Variants in RAD54L2 observed in about 807,000 individuals in gnomAD.
The protein encoded by RAD54L2 is RAD54 like 2, also known as helicase ARIP4.
In RAD54L2, 27 loss-of-function variants were observed where a neutral mutation model predicts 138.4. The observed-to-expected ratio is 0.20, with a 90% CI of 0.14 to 0.27. The LOEUF (loss-of-function observed/expected upper bound fraction) is 0.27. Among genes scored for constraint, RAD54L2 ranks in the 10% least tolerant of loss-of-function variants. RAD54L2 has a pLI of 1.00. For missense variants in RAD54L2, 1,396 were observed against 1,890.2 expected, an observed-to-expected ratio of 0.74 and a Z score of 4.85; for synonymous variants, 644 against 723.2, an observed-to-expected ratio of 0.89 and a Z score of 1.76.
At chr3:51,578,845 G>A (rs1404198458) in intron 2 of RAD54L2, among the ~76,000 whole-genome samples, 2 of 152,274 alleles carry the variant, frequency 1.3e-5, no homozygotes, top group African/African-American at 4.8e-5. Context: ...GGGTCCGTGT[G>A]ACAGCCTCTT....
In RAD54L2 at chr3:51,663,711, G is replaced by A; in HGVS notation, c.*291G>A. 2.7e-6 allele frequency: 1 copy of A among 373,150 alleles called. No homozygotes were observed. Among genetic ancestry groups the A allele is most frequent in the South Asian group, 4.6e-5 (1 of 21,622 alleles). The allele number at this position is 373,150 out of a possible 1,614,324, so 23.1% of individuals were successfully genotyped here. On this transcript the variant is annotated 3_prime_UTR_variant, in exon 23 of 23. Coordinates refer to ENST00000684192, the MANE Select transcript of RAD54L2 (RefSeq NM_015106.4). ...TTTTCCTTCCTGCCTTGCTTATGCT[G>A]TCTGCTTGCTTGCTCGCCCATCTGA...
At chr3:51,573,404 C>G (rs1361740256) in intron 2 of RAD54L2, among the ~76,000 whole-genome samples, 1 of 152,014 alleles carries the variant, frequency 6.6e-6, no homozygotes, top group Non-Finnish European at 1.5e-5. Context: ...TTGTTATTAA[C>G]TAACTACAGA....
intron 18 of RAD54L2, 44 bp from the exon 19 acceptor site, chr3:51,646,241 T>C (rs1387301132): frequency 1.3e-5 from 20 of 1,517,444 alleles, no homozygotes; most frequent in Non-Finnish European, 1.7e-5. Flanking sequence ...TCATTATCTA[T>C]CAGCCATGTT....
chr3:51,645,539 T>C lies in RAD54L2; in HGVS notation c.2657-52T>C, dbSNP rs1222477639. The C allele has an allele frequency of 4.0e-6, 6 of 1,505,338 alleles. No homozygotes were observed. Among genetic ancestry groups the C allele is most frequent in the Non-Finnish European group, 5.4e-6 (6 of 1,113,386 alleles). The allele number at this position is 1,505,338 out of a possible 1,614,324, so 93.2% of individuals were successfully genotyped here. The stretch of plus-strand genomic sequence containing the variant: ...GATGACTTTTCATTATTAGTGACCT[T>C]TACAGTTTTTAATGCCATGTGCTGA... On this transcript the variant is annotated intron_variant, in intron 17 of 22. Coordinates refer to ENST00000684192, the MANE Select transcript of RAD54L2 (RefSeq NM_015106.4). This position sits in a 1 kb window ranked among gnomAD's most constrained non-coding sequence, Gnocchi z 6.1.
At chr3:51,584,810 T>A (rs928558015) in intron 2 of RAD54L2, among the ~76,000 whole-genome samples, 1 of 151,792 alleles carries the variant, frequency 6.6e-6, no homozygotes, top group Non-Finnish European at 1.5e-5. Flanking sequence ...AAAAATTTTT[T>A]ATTTATTTAT....
intron 2 of RAD54L2, among the ~76,000 whole-genome samples, chr3:51,545,214 C>T (rs868928464): frequency 2.9e-4 from 43 of 150,200 alleles, no homozygotes; most frequent in Admixed American, 1.3e-4. Context: ...GTTTTTGAGA[C>T]GGAGTCTTGC....
chr3:51,566,466 GTTTTT>G (rs71084149), intron 2 of RAD54L2, among the ~76,000 whole-genome samples: 1 of 31,516 alleles, frequency 3.2e-5, no homozygotes, highest in African/African-American at 1.6e-4. Context: ...CCTTTTCTGC[GTTTTT>G]TTTTTTTTTT....
intron 22 of RAD54L2, 54 bp downstream of exon 22, chr3:51,660,172 G>C: frequency 3.5e-6 from 5 of 1,444,068 alleles, no homozygotes; most frequent in Non-Finnish European, 3.8e-6. Flanking sequence ...TGTTTGCTTT[G>C]TTTTGGTTAG....
Position 51,667,818 on chromosome 3 carries a change from A to C in RAD54L2, c.*4398A>C, listed in dbSNP as rs1157122409. The C allele has an allele frequency of 6.6e-6, 1 of 152,222 alleles. No homozygotes were observed. Among genetic ancestry groups the C allele is most frequent in the East Asian group, 1.9e-4 (1 of 5,194 alleles). 9.4% of individuals were successfully genotyped at this position (152,222 alleles called of 1,614,324 possible). On this transcript the variant is annotated 3_prime_UTR_variant, in exon 23 of 23. Transcript: ENST00000684192. ...TCTTATAACAATGAACTTCTTGAGC[A>C]GGCAGTGTCCAACTTCTTTGCTCTT...
intron 3 of RAD54L2, among the ~76,000 whole-genome samples, chr3:51,622,612 G>A (rs1350775415): frequency 2.0e-5 from 3 of 152,160 alleles, no homozygotes; most frequent in East Asian, 1.9e-4. Flanking sequence ...ATCCACATGC[G>A]AGACCCACCC....
chr3:51,614,578 A>G (rs955677506), intron 3 of RAD54L2, among the ~76,000 whole-genome samples: 1 of 151,996 alleles, frequency 6.6e-6, no homozygotes, highest in African/African-American at 2.4e-5. Context: ...CAGTGGTGCA[A>G]TGATAACTCA....
chr3:51,662,634 G>A lies in RAD54L2; in HGVS notation c.3618G>A (p.Pro1206=), dbSNP rs1701810412. 2.5e-6 allele frequency: 4 copies of A among 1,612,300 alleles called. No homozygotes were observed. The highest frequency in any genetic ancestry group is 2.7e-5 in the African/African-American group (2 of 74,880). ...CCAATGCCGCCCTGCCTGGCCCCCCGGCCCAACTTATGGACAGCAGTGCTG... is the reference window on the plus strand; with the variant it reads ...CCAATGCCGCCCTGCCTGGCCCCCCAGCCCAACTTATGGACAGCAGTGCTG... ...PSTNAALPGP[P]AQLMDSSAVP... The change falls in exon 23 of 23, where the codon CCG becomes CCA. Residue 1206 remains proline, a synonymous_variant. Transcript: ENST00000684192. The surrounding 1 kb of genome is among the most constrained non-coding windows in gnomAD (Gnocchi z 4.6).
At chr3:51,544,667 G>A (rs1301711341) in intron 2 of RAD54L2, among the ~76,000 whole-genome samples, 1 of 152,118 alleles carries the variant, frequency 6.6e-6, no homozygotes, top group African/African-American at 2.4e-5. Flanking sequence ...GCAATGGCAC[G>A]ATCTTGGCTC....
intron 2 of RAD54L2, among the ~76,000 whole-genome samples, chr3:51,578,909 T>C (rs185198687): frequency 2.6e-4 from 39 of 152,216 alleles, no homozygotes; most frequent in African/African-American, 9.4e-4. Flanking sequence ...AAGAATGAGG[T>C]CACACGAACG....
chr3:51,608,453 C>T (rs1476307828), intron 3 of RAD54L2, among the ~76,000 whole-genome samples: 1 of 152,194 alleles, frequency 6.6e-6, no homozygotes, highest in African/African-American at 2.4e-5. Flanking sequence ...GCAATCTCGG[C>T]ACTTTGGGAG....
At chr3:51,595,762 C>A (rs1245309356) in intron 3 of RAD54L2, among the ~76,000 whole-genome samples, 1 of 151,946 alleles carries the variant, frequency 6.6e-6, no homozygotes, top group African/African-American at 2.4e-5. Context: ...CCCTCTTTTT[C>A]TTTTCTCCTG....
chr3:51,643,073 T>C (rs538678576), intron 15 of RAD54L2, among the ~76,000 whole-genome samples: 4 of 151,234 alleles, frequency 2.6e-5, no homozygotes, highest in African/African-American at 9.7e-5. Flanking sequence ...TCTTACTCTT[T>C]TGCCAGGCTG....
intron 2 of RAD54L2, among the ~76,000 whole-genome samples, chr3:51,577,057 T>C (rs1343449579): frequency 2.0e-5 from 3 of 152,232 alleles, no homozygotes; most frequent in African/African-American, 7.2e-5. Context: ...TTTGCTCTCA[T>C]TGGTTTCAAA....
chr3:51,635,527 C>T (rs774106425), intron 9 of RAD54L2, 66 bp from the exon 10 acceptor site: 57 of 1,460,586 alleles, frequency 3.9e-5, no homozygotes, highest in Non-Finnish European at 5.2e-5. Flanking sequence ...TCCTTGGGAG[C>T]AGCAGAAACA....
Sources: allele counts gnomAD v4.1 joint callset (sites outside exome capture counted in the v4.1 genomes callset), GRCh38; gene constraint gnomAD v4.1.1; non-coding constraint Gnocchi (gnomAD v3.1); transcripts MANE v1.5; gene names NCBI Gene and HGNC (gene_info 2026-07-23, HGNC 2026-07-21).